KATNIP: variants seen among roughly 807,000 people sequenced by gnomAD.
KATNIP encodes katanin interacting protein.
KATNIP carries 126 observed loss-of-function variants against 174.0 expected under a neutral mutation model. The observed-to-expected ratio is 0.72, with a 90% CI of 0.63 to 0.84. KATNIP has a LOEUF of 0.84. Ranked by LOEUF, KATNIP falls within the 40% of genes least tolerant of loss-of-function variation. The probability of loss-of-function intolerance (pLI) is 0.00; values close to 1 mark genes in which losing one functional copy is unlikely to be tolerated. For missense variants in KATNIP, 1,958 were observed against 2,109.7 expected (o/e 0.93, Z 1.41); for synonymous variants, 810 against 835.7 (o/e 0.97, Z 0.53).
At chr16:27,672,380 C>G (rs2077948451) in intron 6 of KATNIP, among the ~76,000 whole-genome samples, 2 of 152,210 alleles carry the variant, frequency 1.3e-5, no homozygotes, top group Admixed American at 6.5e-5. Context: ...GTCACATCAT[C>G]CAGACAAGGG....
At chr16:27,745,898 G>A (rs1149425) in intron 15 of KATNIP, among the ~76,000 whole-genome samples, 122,742 of 150,782 alleles carry the variant, frequency 0.81, 50,499 homozygotes, top group African/African-American at 0.95. Flanking sequence ...AGAGAGGTCC[G>A]TGGGCCCCCA....
In KATNIP at chr16:27,774,958, C is replaced by T. The variant is rs2082440826; in HGVS notation, c.4323C>T (p.Phe1441=). Residue 1441 remains phenylalanine, a synonymous_variant, in exon 24 of 28, where the codon TTC becomes TTT. Coordinates refer to ENST00000261588, the MANE Select transcript of KATNIP (RefSeq NM_015202.5). Reference sequence around the variant, plus strand: ...ACGTCTCCTCAGATATTGCGGCCTTCCCCGACAGCGTGAACTCCCTGGAGG... The same window carrying T: ...ACGTCTCCTCAGATATTGCGGCCTTTCCCGACAGCGTGAACTCCCTGGAGG... ...IPLSENNIAA[F]PDSVNSLEGV... is the part of the protein sequence containing the mutation. The T allele has an allele frequency of 1.2e-6, 2 of 1,613,896 alleles. No individual in the cohort carries two copies. Among genetic ancestry groups the T allele is most frequent in the Non-Finnish European group, 8.5e-7 (1 of 1,179,914 alleles).
At chr16:27,576,514 G>T (rs1409553329) in intron 2 of KATNIP, among the ~76,000 whole-genome samples, 1 of 152,044 alleles carries the variant, frequency 6.6e-6, no homozygotes, top group East Asian at 1.9e-4. Context: ...AGTGGCTCCT[G>T]CCTATAATCC....
At chr16:27,771,417 A>T (rs761781186) in intron 21 of KATNIP, among the ~76,000 whole-genome samples, 171 bp from the exon 22 acceptor site, 4 of 152,122 alleles carry the variant, frequency 2.6e-5, no homozygotes, top group Non-Finnish European at 4.4e-5. Flanking sequence ...AATGACTGTC[A>T]TCTAGAGCGG....
intron 1 of KATNIP, among the ~76,000 whole-genome samples, chr16:27,553,492 AAAAC>A (rs892221594): frequency 2.0e-5 from 3 of 152,338 alleles, no homozygotes; most frequent in South Asian, 4.1e-4. Context: ...ACTCACATTT[AAAAC>A]AAACAAACAA....
chr16:27,775,347 C>T lies in KATNIP; in HGVS notation c.4449+263C>T, dbSNP rs8054700. ...GAATCTGAAGCCAGGAACCCCAGCA[C>T]AACTGCCTGAGGGCTTGGGCGTCCT... is the stretch of plus-strand genomic sequence containing the variant. On this transcript the variant is annotated intron_variant, in intron 24 of 27. Coordinates refer to ENST00000261588, the MANE Select transcript of KATNIP (RefSeq NM_015202.5). Among the ~76,000 whole-genome samples the T allele has an allele frequency of 0.14, 22,068 of 152,234 alleles. 1,700 individuals are homozygous for T. Among genetic ancestry groups the T allele is most frequent in the Middle Eastern group, 0.2 (60 of 294 alleles).
At chr16:27,598,042 A>C (rs969356099) in intron 2 of KATNIP, among the ~76,000 whole-genome samples, 3 of 152,156 alleles carry the variant, frequency 2.0e-5, no homozygotes, top group Admixed American at 2.0e-4. Flanking sequence ...AGCCTGGGCA[A>C]CATGACGAAA....
intron 6 of KATNIP, among the ~76,000 whole-genome samples, chr16:27,650,167 T>G (rs2077075369): frequency 1.4e-5 from 1 of 71,024 alleles, no homozygotes. Context: ...AGTGAAACTG[T>G]GTCTAAAAAA....
chr16:27,721,549 G>A lies in KATNIP; in HGVS notation c.1606-9G>A, dbSNP rs539902593. On this transcript the variant is annotated splice_polypyrimidine_tract_variant and intron_variant, in intron 13 of 27. Transcript: ENST00000261588. ...GCCTAATGATTTCCTTCTCTTGCTG[G>A]CCTTCTAGGGCAAGAAAGACTCCTC... 6.2e-7 allele frequency: 1 copy of A among 1,614,040 alleles called. No homozygotes were observed. The highest frequency in any genetic ancestry group is 8.5e-7 in the Non-Finnish European group (1 of 1,179,976).
chr16:27,674,344 A>G (rs1040595933), intron 6 of KATNIP, among the ~76,000 whole-genome samples: 1 of 152,264 alleles, frequency 6.6e-6, no homozygotes, highest in Admixed American at 6.5e-5. Context: ...CGTTGTGCAC[A>G]TGTATCCTAA....
At chr16:27,551,143 A>G (rs1468799785) in intron 1 of KATNIP, among the ~76,000 whole-genome samples, 3 of 152,220 alleles carry the variant, frequency 2.0e-5, no homozygotes, top group African/African-American at 7.2e-5. Context: ...CAAATGGAAA[A>G]TAGGCTATTC....
At chr16:27,703,135 C>G (rs2079160830) in intron 11 of KATNIP, among the ~76,000 whole-genome samples, 2 of 151,754 alleles carry the variant, frequency 1.3e-5, no homozygotes, top group African/African-American at 4.8e-5. Context: ...CCATTGCACT[C>G]CAGCCTGGGC....
At chr16:27,551,101 C>T (rs2089341072) in intron 1 of KATNIP, among the ~76,000 whole-genome samples, 2 of 152,278 alleles carry the variant, frequency 1.3e-5, no homozygotes, top group East Asian at 1.9e-4. Flanking sequence ...TTAGGGATCC[C>T]TGATTAGAGT....
rs942369700 is a variant in KATNIP at position 27,749,736 on chromosome 16, G to A, written c.2776G>A (p.Glu926Lys). 1.2e-6 allele frequency: 2 copies of A among 1,613,000 alleles called. No individual in the cohort carries two copies. The highest frequency in any genetic ancestry group is 1.7e-6 in the Non-Finnish European group (2 of 1,179,526). The change falls in exon 16 of 28, where the codon GAG (glutamate) becomes AAG (lysine). Residue 926 changes from glutamate to lysine, a missense_variant. Glu to Lys is a moderately conservative substitution (Grantham distance 56). Around this residue, in one of 3 missense-constraint regions of KATNIP, gnomAD observed 1,557 missense variants for 1,617.8 expected, o/e 0.96. Transcript: ENST00000261588. ...GGAGCTCCCGGGGGACATCCTGGAT[G>A]AGCTCCTGCAGCAAAAGAGCAGCCG... Reference protein sequence around the residue: ...NTELPGDILDELLQQKSSRHS... With the variant: ...NTELPGDILDKLLQQKSSRHS...
Position 27,631,144 on chromosome 16 carries a change from G to T in KATNIP, c.390G>T (p.Gln130His). 1 of 1,570,204 alleles carries T rather than the reference G, an allele frequency of 6.4e-7. No homozygotes were observed. The highest frequency in any genetic ancestry group is 2.3e-5 in the East Asian group (1 of 42,738). The change falls in exon 5 of 28, where the codon CAG (glutamine) becomes CAT (histidine). Residue 130 changes from glutamine (Q) to histidine (H), a missense_variant. By Grantham distance (24) the Gln-to-His change is conservative. Around this residue, in one of 3 missense-constraint regions of KATNIP, gnomAD observed 1,557 missense variants for 1,617.8 expected, o/e 0.96. Coordinates refer to ENST00000261588, the MANE Select transcript of KATNIP (RefSeq NM_015202.5). ...CACGGACAGCCCCCAGTAAAGTCCA[G>T]CGCCGAGGATGGCACCAGGTCTGGA... ...RSSRTAPSKV[Q>H]RRGWHQKSVQ...
At chr16:27,601,496 G>A (rs2075523318) in intron 2 of KATNIP, among the ~76,000 whole-genome samples, 1 of 152,202 alleles carries the variant, frequency 6.6e-6, no homozygotes, top group South Asian at 2.1e-4. Flanking sequence ...GGCAGGGGGA[G>A]TGGGGCGGGT....
intron 14 of KATNIP, among the ~76,000 whole-genome samples, chr16:27,737,817 CTTTAGG>C (rs2080953948): frequency 6.6e-6 from 1 of 152,140 alleles, no homozygotes; most frequent in African/African-American, 2.4e-5. Flanking sequence ...CTGTAATTTA[CTTTAGG>C]AACCAGACAC....
chr16:27,556,885 T>A (rs1054049173), intron 1 of KATNIP, among the ~76,000 whole-genome samples: 24 of 152,244 alleles, frequency 1.6e-4, no homozygotes, highest in African/African-American at 5.8e-4. Flanking sequence ...TGTTTTCTTC[T>A]TGTTCCAATC....
chr16:27,628,241 A>C (rs2076387538), intron 3 of KATNIP, among the ~76,000 whole-genome samples: 1 of 152,234 alleles, frequency 6.6e-6, no homozygotes, highest in East Asian at 1.9e-4. Flanking sequence ...GAGAGCCTAA[A>C]AACCCCTTTT....
Sources: gnomAD v4.1 joint callset for allele counts (sites outside exome capture counted in the v4.1 genomes callset) on GRCh38, gnomAD v4.1.1 for gene constraint, gnomAD v4.1.1 regional missense constraint, MANE v1.5 for transcripts, NCBI Gene and HGNC (gene_info 2026-07-23, HGNC 2026-07-21) for gene names.